The following SETDB2 variants were observed in gnomAD, a reference collection of about 807,000 sequenced individuals.
SETDB2 encodes histone-lysine N-methyltransferase SETDB2.
Under a neutral mutation model 82.5 loss-of-function variants are expected in SETDB2, and 56 were observed. The observed-to-expected ratio is 0.68, with a 90% CI of 0.55 to 0.85. The LOEUF is 0.85. Among genes scored for constraint, SETDB2 ranks in the 40% least tolerant of loss-of-function variants. The probability of loss-of-function intolerance (pLI) is 0.00; values close to 1 mark genes in which losing one functional copy is unlikely to be tolerated. For synonymous variants in SETDB2, 272 were observed against 284.9 expected (o/e 0.95, Z 0.46); for missense variants, 677 against 816.4 (o/e 0.83, Z 2.08).
chr13:49,466,144 G>A (rs964669387), intron 4 of SETDB2, among the ~76,000 whole-genome samples: 5 of 152,070 alleles, frequency 3.3e-5, no homozygotes, highest in African/African-American at 9.7e-5. Flanking sequence ...TAAAGAATAG[G>A]GAGTCTTGAC....
chr13:49,458,822 G>T (rs1224700175), intron 2 of SETDB2, among the ~76,000 whole-genome samples: 1 of 152,188 alleles, frequency 6.6e-6, no homozygotes, highest in Non-Finnish European at 1.5e-5. Context: ...CAAAAAAGTG[G>T]AGATCATTCA....
At chr13:49,483,679 A>T (rs998997002) in intron 10 of SETDB2, 116 bp downstream of exon 10, 1 of 433,928 alleles carries the variant, frequency 2.3e-6, no homozygotes. Flanking sequence ...CCCAGGCTGG[A>T]GTGTGGTGGC....
At chr13:49,455,775 TA>T (rs543145116) in intron 2 of SETDB2, among the ~76,000 whole-genome samples, 1 of 149,104 alleles carries the variant, frequency 6.7e-6, no homozygotes, top group African/African-American at 2.5e-5. Context: ...GGTTTTCATT[TA>T]AAAAAAAACA....
chr13:49,450,117 T>A (rs1277028421), intron 1 of SETDB2, among the ~76,000 whole-genome samples: 2 of 152,238 alleles, frequency 1.3e-5, no homozygotes, highest in Non-Finnish European at 2.9e-5. Context: ...TCTAAGACTT[T>A]GTGTTTTTGA....
intron 1 of SETDB2, among the ~76,000 whole-genome samples, chr13:49,451,115 A>C (rs1239704020): frequency 6.6e-6 from 1 of 151,692 alleles, no homozygotes; most frequent in African/African-American, 2.4e-5. Context: ...AATTAAATAT[A>C]CTACAATCCA....
At position 49,480,348 on chromosome 13, in the gene SETDB2, G is replaced by A; in HGVS notation, c.986+13G>A. Reference sequence around the variant, plus strand: ...AGATTCCTACTGGGTAAGGTACCTTGAGGATTTGTTGCAGGGTGTGTATAT... The same window carrying A: ...AGATTCCTACTGGGTAAGGTACCTTAAGGATTTGTTGCAGGGTGTGTATAT... On this transcript the variant is annotated intron_variant, in intron 7 of 13. Transcript: ENST00000611815. 6.6e-7 allele frequency: 1 copy of A among 1,524,434 alleles called. No individual in the cohort carries two copies. Among genetic ancestry groups the A allele is most frequent in the Non-Finnish European group, 8.9e-7 (1 of 1,120,622 alleles). 94.4% of individuals were successfully genotyped at this position (1,524,434 alleles called of 1,614,324 possible). A position where few individuals can be genotyped will look rare whatever the true frequency, so the allele number is the denominator to read the frequency against.
chr13:49,447,605 A>G (rs1957714476), intron 1 of SETDB2, among the ~76,000 whole-genome samples: 1 of 151,984 alleles, frequency 6.6e-6, no homozygotes, highest in South Asian at 2.1e-4. Flanking sequence ...GAATAATTTT[A>G]TATTGAATTG....
In SETDB2 at chr13:49,451,631, C is replaced by G; in HGVS notation, c.-263C>G. 1 of 314,908 alleles carries G rather than the reference C, an allele frequency of 3.2e-6. No individual in the cohort carries two copies. The highest frequency in any genetic ancestry group is 5.4e-5 in the East Asian group (1 of 18,554). The allele number at this position is 314,908 out of a possible 1,614,324, so 19.5% of individuals were successfully genotyped here. ...AGATAATGTTAATGATCTGATACCA[C>G]TACAAATATTTACGTGAGAAGATTC... On this transcript the variant is annotated 5_prime_UTR_variant, in exon 2 of 14. Coordinates refer to ENST00000611815, the MANE Select transcript of SETDB2 (RefSeq NM_001160308.3).
intron 7 of SETDB2, 34 bp from the exon 8 acceptor site, chr13:49,480,913 G>A: frequency 6.2e-7 from 1 of 1,609,786 alleles, no homozygotes; most frequent in Non-Finnish European, 8.5e-7. Context: ...TTTTTGAGAT[G>A]TCTGATTTTC....
intron 5 of SETDB2, among the ~76,000 whole-genome samples, chr13:49,469,278 C>T (rs9568216): frequency 0.041 from 6,185 of 152,190 alleles, 209 homozygotes; most frequent in East Asian, 0.17. Flanking sequence ...CTTTTTATTA[C>T]GCTTCAGAAA....
rs10616725 is a variant in SETDB2 at position 49,494,670 on chromosome 13, GGTCT to G, written c.*2827_*2830del. The G allele has an allele frequency of 1, 152,174 of 152,218 alleles. 76,065 individuals are homozygous for G. The highest frequency in any genetic ancestry group is 1 in the Middle Eastern group (294 of 294). The allele number at this position is 152,218 out of a possible 1,614,324, so 9.4% of individuals were successfully genotyped here. On this transcript the variant is annotated 3_prime_UTR_variant, in exon 14 of 14. Transcript: ENST00000611815. ...AAAAAATTTAAAAATTGGCTGCTAG[GGTCT>G]GTCTGCTCACTTCCCTGTTTTGCAG...
At chr13:49,458,062 C>A (rs1163802645) in intron 2 of SETDB2, among the ~76,000 whole-genome samples, 1 of 152,212 alleles carries the variant, frequency 6.6e-6, no homozygotes, top group Non-Finnish European at 1.5e-5. Flanking sequence ...CTAATGATTT[C>A]AGGCACCCTG....
At chr13:49,466,011 T>C (rs1254776754) in intron 4 of SETDB2, among the ~76,000 whole-genome samples, 1 of 152,112 alleles carries the variant, frequency 6.6e-6, no homozygotes, top group Non-Finnish European at 1.5e-5. Context: ...GTACAAAGGG[T>C]AACATACAGA....
intron 12 of SETDB2, 89 bp from the exon 13 acceptor site, chr13:49,490,733 A>G (rs867061021): frequency 6.7e-6 from 6 of 899,472 alleles, no homozygotes; most frequent in Middle Eastern, 2.7e-4. Context: ...AGTGTGATAT[A>G]TTAAAAACAG....
intron 11 of SETDB2, among the ~76,000 whole-genome samples, chr13:49,486,656 C>G (rs1958604544): frequency 6.6e-6 from 1 of 152,230 alleles, no homozygotes; most frequent in Non-Finnish European, 1.5e-5. Flanking sequence ...AATTGCCTAG[C>G]CAATACTGCC....
chr13:49,467,132 T>C (rs1958131656), intron 4 of SETDB2, among the ~76,000 whole-genome samples: 2 of 152,130 alleles, frequency 1.3e-5, no homozygotes, highest in Admixed American at 1.3e-4. Flanking sequence ...GCATGGTGGC[T>C]CATACCTGTA....
rs139870196 is a variant in SETDB2, at chr13:49,455,549, C to T, written c.16+3640C>T. Among the ~76,000 whole-genome samples, 237 of 152,200 alleles carry T rather than the reference C, an allele frequency of 1.6e-3. 1 individual carries two copies. Among genetic ancestry groups the T allele is most frequent in the African/African-American group, 5.6e-3 (231 of 41,550 alleles). On this transcript the variant is annotated intron_variant, in intron 2 of 13. Transcript: ENST00000611815. ...CATTTGTTAATATAGCTACTGATCT[C>T]ATTTTAAAAGTGGTTAACTCTTCAG... is the stretch of plus-strand genomic sequence containing the variant.
intron 1 of SETDB2, among the ~76,000 whole-genome samples, chr13:49,447,534 G>A (rs760744032): frequency 2.6e-5 from 4 of 152,028 alleles, no homozygotes; most frequent in Non-Finnish European, 5.9e-5. Flanking sequence ...AGATAGCCTC[G>A]ATCAGAATAA....
intron 10 of SETDB2, among the ~76,000 whole-genome samples, chr13:49,484,154 G>A (rs972528191): frequency 1.3e-5 from 2 of 152,172 alleles, no homozygotes; most frequent in African/African-American, 2.4e-5. Context: ...CACTGAGACC[G>A]AGAGGTATCC....
Sources: gnomAD v4.1 joint callset for allele counts (sites outside exome capture counted in the v4.1 genomes callset) on GRCh38, gnomAD v4.1.1 for gene constraint, MANE v1.5 for transcripts, NCBI Gene and HGNC (gene_info 2026-07-23, HGNC 2026-07-21) for gene names.